IL18R1: variants seen among roughly 807,000 people sequenced by gnomAD.
IL18R1 encodes interleukin-18 receptor 1.
IL18R1 carries 40 observed loss-of-function variants against 48.5 expected under a neutral mutation model. The ratio of observed to expected loss-of-function variants is 0.82; its 90% CI spans 0.64 to 1.07. The LOEUF (loss-of-function observed/expected upper bound fraction) is 1.07. IL18R1 is among the 50% of genes least tolerant of loss of function. The pLI is 0.00. For missense variants in IL18R1, 596 were observed against 633.7 expected, an observed-to-expected ratio of 0.94 and a Z score of 0.64; for synonymous variants, 232 against 225.9, an observed-to-expected ratio of 1.03 and a Z score of -0.24.
chr2:102,388,927 A>G (rs758595565), intron 8 of IL18R1, among the ~76,000 whole-genome samples: 1 of 152,166 alleles, frequency 6.6e-6, no homozygotes, highest in Non-Finnish European at 1.5e-5. Context: ...TGACCTAGAG[A>G]TGCCCCCACC....
intron 6 of IL18R1, among the ~76,000 whole-genome samples, chr2:102,384,268 A>T (rs1449154926): frequency 6.6e-6 from 1 of 152,218 alleles, no homozygotes; most frequent in Admixed American, 6.5e-5. Flanking sequence ...TGCAAGTGAT[A>T]TCATACAGCC....
chr2:102,396,105 G>A (rs753417104), intron 10 of IL18R1, among the ~76,000 whole-genome samples: 14 of 152,004 alleles, frequency 9.2e-5, no homozygotes, highest in East Asian at 1.9e-4. Flanking sequence ...TTGAGGAGAA[G>A]CAGGATAGTA....
chr2:102,392,586 A>C (rs913554186), intron 9 of IL18R1, among the ~76,000 whole-genome samples: 8 of 152,232 alleles, frequency 5.3e-5, no homozygotes, highest in African/African-American at 1.4e-4. Context: ...TATAAGTATG[A>C]AGATAAAAAC....
intron 6 of IL18R1, among the ~76,000 whole-genome samples, chr2:102,383,912 G>A (rs752793488): frequency 1.3e-5 from 2 of 152,012 alleles, no homozygotes; most frequent in African/African-American, 4.8e-5. Flanking sequence ...TTTTTAATCT[G>A]CTAAATTCAG....
rs1377615670 is a variant in IL18R1 at position 102,390,213 on chromosome 2, A to T, written c.1107A>T (p.Leu369Phe). The T allele has an allele frequency of 6.2e-7, 1 of 1,613,466 alleles. No individual in the cohort carries two copies. Residue 369 changes from leucine to phenylalanine, a missense_variant, in exon 9 of 11, where the codon TTA becomes TTT. This residue lies in a region of IL18R1 where 179 missense variants were observed against 206.1 expected (regional missense o/e 0.87). Transcript: ENST00000233957. Reference sequence around the variant, plus strand: ...ATTTAACGAGAAGAGATGAAACATTAACAGGTAACACATATAATGCTGGAA... The same window carrying T: ...ATTTAACGAGAAGAGATGAAACATTTACAGGTAACACATATAATGCTGGAA... ...YRHLTRRDETLTDGKTYDAFV... is the reference protein window; with the variant it reads ...YRHLTRRDETFTDGKTYDAFV...
intron 9 of IL18R1, among the ~76,000 whole-genome samples, chr2:102,390,849 C>T (rs1207314883): frequency 7.0e-6 from 1 of 143,288 alleles, no homozygotes; most frequent in South Asian, 2.2e-4. Flanking sequence ...AGGAGAATGG[C>T]GTGTGAACTC....
intron 10 of IL18R1, among the ~76,000 whole-genome samples, chr2:102,395,340 G>A (rs1379138476): frequency 6.7e-6 from 1 of 150,202 alleles, no homozygotes; most frequent in Admixed American, 6.6e-5. Context: ...GGATACTGAT[G>A]CTTAAAAAAA....
intron 1 of IL18R1, among the ~76,000 whole-genome samples, chr2:102,357,955 A>G (rs1360598390): frequency 6.6e-6 from 1 of 152,092 alleles, no homozygotes; most frequent in Non-Finnish European, 1.5e-5. Flanking sequence ...ATCATCTCAC[A>G]GGCTGAGTAA....
chr2:102,390,724 GA>G (rs1223260171), intron 9 of IL18R1, among the ~76,000 whole-genome samples: 1 of 151,932 alleles, frequency 6.6e-6, no homozygotes, highest in Non-Finnish European at 1.5e-5. Context: ...ACGAGGTCAG[GA>G]GATCGAGACC....
intron 6 of IL18R1, among the ~76,000 whole-genome samples, chr2:102,384,658 T>G (rs1680118869): frequency 6.6e-6 from 1 of 152,240 alleles, no homozygotes; most frequent in African/African-American, 2.4e-5. Flanking sequence ...AATAAATGTT[T>G]AAAAAGAAGC....
At chr2:102,394,120 T>G (rs774194013) in intron 9 of IL18R1, among the ~76,000 whole-genome samples, 1 of 152,128 alleles carries the variant, frequency 6.6e-6, no homozygotes, top group Non-Finnish European at 1.5e-5. Flanking sequence ...TTAAATGATA[T>G]GAGTAAACCA....
At chr2:102,356,836 C>T (rs558355902) in intron 1 of IL18R1, among the ~76,000 whole-genome samples, 4 of 152,320 alleles carry the variant, frequency 2.6e-5, no homozygotes, top group African/African-American at 7.2e-5. Flanking sequence ...CCCAGATCCA[C>T]ACCTACAGTT....
chr2:102,387,758 C>T (rs1680322692), intron 8 of IL18R1, among the ~76,000 whole-genome samples: 1 of 152,000 alleles, frequency 6.6e-6, no homozygotes, highest in East Asian at 1.9e-4. Flanking sequence ...CAGAGACTAA[C>T]ACACCCAGAG....
At chr2:102,384,728 TG>T (rs952460512) in intron 6 of IL18R1, 149 bp from the exon 7 acceptor site, 1 of 711,576 alleles carries the variant, frequency 1.4e-6, no homozygotes, top group African/African-American at 1.8e-5. Flanking sequence ...TTATATATTT[TG>T]TTTTATTTAA....
At chr2:102,363,831 A>G (rs1678729757) in intron 2 of IL18R1, among the ~76,000 whole-genome samples, 1 of 152,260 alleles carries the variant, frequency 6.6e-6, no homozygotes, top group Admixed American at 6.5e-5. Context: ...GTCCAAACTC[A>G]AGACAGTTTC....
chr2:102,381,686 T>C lies in IL18R1; in HGVS notation c.688+4T>C. On this transcript the variant is annotated splice_donor_region_variant and intron_variant, in intron 6 of 10. Coordinates refer to ENST00000233957, the MANE Select transcript of IL18R1 (RefSeq NM_003855.5). ...AACCATGTTGCAGTGGAATTAGGTA[T>C]ATTTCAATATACATATATTCTGCAT... 1 of 1,590,980 alleles carries C rather than the reference T, an allele frequency of 6.3e-7. No individual in the cohort carries two copies.
chr2:102,386,472 G>A (rs1202179463), intron 7 of IL18R1, among the ~76,000 whole-genome samples: 1 of 152,196 alleles, frequency 6.6e-6, no homozygotes, highest in Admixed American at 6.5e-5. Flanking sequence ...CTGCATCTAT[G>A]CTAAACAACT....
intron 3 of IL18R1, among the ~76,000 whole-genome samples, chr2:102,371,315 G>A (rs1260505048): frequency 1.3e-5 from 2 of 152,100 alleles, no homozygotes; most frequent in Admixed American, 1.3e-4. Flanking sequence ...GTGAGCCACT[G>A]CACCTGGCCT....
intron 1 of IL18R1, among the ~76,000 whole-genome samples, chr2:102,357,295 T>A (rs932398886): frequency 6.6e-6 from 1 of 151,888 alleles, no homozygotes; most frequent in South Asian, 2.1e-4. Flanking sequence ...ATCGAGACCA[T>A]CCTGGCTAAC....
Sources: gnomAD v4.1 joint callset for allele counts (sites outside exome capture counted in the v4.1 genomes callset) on GRCh38, gnomAD v4.1.1 for gene constraint, gnomAD v4.1.1 regional missense constraint, MANE v1.5 for transcripts, NCBI Gene and HGNC (gene_info 2026-07-23, HGNC 2026-07-21) for gene names.